AP4E1: variants seen among roughly 807,000 people sequenced by gnomAD.
The protein encoded by AP4E1 is AP-4 complex subunit epsilon-1.
A neutral mutation model predicts 128.2 loss-of-function variants in AP4E1; 56 were observed. The observed-to-expected ratio is 0.44, with a 90% CI of 0.35 to 0.55. The LOEUF is 0.55. Among genes scored for constraint, AP4E1 ranks in the 20% least tolerant of loss-of-function variants. The probability of loss-of-function intolerance (pLI) is 0.00; values close to 1 mark genes in which losing one functional copy is unlikely to be tolerated. For missense variants in AP4E1, 1,324 were observed against 1,307.7 expected (o/e 1.01, Z -0.19); for synonymous variants, 484 against 473.1 (o/e 1.02, Z -0.30).
rs1271753528 is a variant in AP4E1, at chr15:50,941,356, A to G, written c.944-86A>G. 3 of 1,459,210 alleles carry G rather than the reference A, an allele frequency of 2.1e-6. No individual in the cohort carries two copies. In the African/African-American group the frequency reaches 4.2e-5, roughly 20 times the overall value. 90.4% of individuals were successfully genotyped at this position (1,459,210 alleles called of 1,614,324 possible). ...ATTTCTGACTAAAATGGACTTTCCAATTAGTTTTATTACAAGTTCTACACA... is the reference window on the plus strand; with the variant it reads ...ATTTCTGACTAAAATGGACTTTCCAGTTAGTTTTATTACAAGTTCTACACA... On this transcript the variant is annotated intron_variant, in intron 8 of 20. Transcript: ENST00000261842.
intron 17 of AP4E1, 90 bp from the exon 18 acceptor site, chr15:50,997,236 A>C: frequency 8.6e-7 from 1 of 1,164,140 alleles, no homozygotes; most frequent in Non-Finnish European, 1.2e-6. Flanking sequence ...GCAAATTGTT[A>C]TATTGCTGAT....
At chr15:50,911,563 A>G (rs1418788470) in intron 1 of AP4E1, among the ~76,000 whole-genome samples, 2 of 150,088 alleles carry the variant, frequency 1.3e-5, no homozygotes, top group South Asian at 2.1e-4. Context: ...GCTCACTGCA[A>G]CATTCACTTC....
chr15:50,971,808 A>G (rs1412332013), intron 15 of AP4E1, among the ~76,000 whole-genome samples: 1 of 151,390 alleles, frequency 6.6e-6, no homozygotes, highest in African/African-American at 2.4e-5. Flanking sequence ...CTTTTTTATG[A>G]TATCTGTTTC....
chr15:50,915,523 C>T lies in AP4E1; in HGVS notation c.298C>T (p.His100Tyr), dbSNP rs1224744393. 1 of 1,613,444 alleles carries T rather than the reference C, an allele frequency of 6.2e-7. No homozygotes were observed. Among genetic ancestry groups the T allele is most frequent in the African/African-American group, 1.3e-5 (1 of 74,902 alleles). ...ATATGATGCTTCCTTTGGCTATATTCATGCAATCAAGTTAGCCCAACAAGG... is the reference window on the plus strand; with the variant it reads ...ATATGATGCTTCCTTTGGCTATATTTATGCAATCAAGTTAGCCCAACAAGG... ...LGYDASFGYI[H>Y]AIKLAQQGNL... is the part of the protein sequence containing the mutation. Residue 100 changes from histidine (H) to tyrosine (Y), a missense_variant, in exon 3 of 21, where the codon CAT becomes TAT. Coordinates refer to ENST00000261842, the MANE Select transcript of AP4E1 (RefSeq NM_007347.5).
rs2064980555 is a variant in AP4E1 at position 51,002,766 on chromosome 15, A to T, written c.*104A>T. The T allele has an allele frequency of 7.3e-7, 1 of 1,377,858 alleles. No individual in the cohort carries two copies. Among genetic ancestry groups the T allele is most frequent in the African/African-American group, 1.4e-5 (1 of 69,862 alleles). The allele number at this position is 1,377,858 out of a possible 1,614,324, so 85.4% of individuals were successfully genotyped here. ...CATGGTACTTCTAATGAAAATGGGG[A>T]TTATTACAAGTGTGGTTTATATGTT... is the stretch of plus-strand genomic sequence containing the variant. On this transcript the variant is annotated 3_prime_UTR_variant, in exon 21 of 21. Transcript: ENST00000261842.
chr15:50,999,702 A>G (rs765006514), intron 19 of AP4E1, among the ~76,000 whole-genome samples: 2 of 151,850 alleles, frequency 1.3e-5, no homozygotes, highest in Admixed American at 6.6e-5. Flanking sequence ...TAGTTATTAA[A>G]CTTTTTTTTA....
intron 7 of AP4E1, among the ~76,000 whole-genome samples, chr15:50,931,847 G>C (rs1396019825): frequency 6.6e-6 from 1 of 152,098 alleles, no homozygotes; most frequent in African/African-American, 2.4e-5. Context: ...GCTATAGTTT[G>C]CCAACCCTTG....
chr15:50,997,421 C>G lies in AP4E1; in HGVS notation c.2442C>G (p.Thr814=). 1 of 1,613,178 alleles carries G rather than the reference C, an allele frequency of 6.2e-7. No homozygotes were observed. Residue 814 remains threonine (T), a synonymous_variant, in exon 18 of 21, where the codon ACC becomes ACG. Coordinates refer to ENST00000261842, the MANE Select transcript of AP4E1 (RefSeq NM_007347.5). The stretch of plus-strand genomic sequence containing the variant: ...AAACAACCAGTACTCATAATATGAC[C>G]TGTTCTTCCTTTAGTTCTTTGTCAA... ...SGETTSTHNM[T]CSSFSSLSNV... is the part of the protein sequence containing the mutation.
chr15:50,918,720 T>C (rs1164072856), intron 3 of AP4E1, among the ~76,000 whole-genome samples: 1 of 152,166 alleles, frequency 6.6e-6, no homozygotes, highest in East Asian at 1.9e-4. Context: ...TTCACTCTCT[T>C]TTATATAAAA....
At chr15:50,920,152 C>T (rs1468854572) in intron 3 of AP4E1, among the ~76,000 whole-genome samples, 1 of 107,580 alleles carries the variant, frequency 9.3e-6, no homozygotes, top group Non-Finnish European at 1.7e-5. Context: ...CTCGCTCTTT[C>T]GCCCAGGCCA....
intron 13 of AP4E1, among the ~76,000 whole-genome samples, chr15:50,953,323 T>G (rs895349770): frequency 2.6e-5 from 4 of 152,244 alleles, no homozygotes; most frequent in Admixed American, 6.5e-5. Context: ...ATACAGGTCA[T>G]GTACAGTCGG....
intron 11 of AP4E1, 133 bp downstream of exon 11, chr15:50,948,292 CCT>C: frequency 8.7e-7 from 1 of 1,147,706 alleles, no homozygotes; most frequent in Non-Finnish European, 1.2e-6. Context: ...GATTTTCAAG[CCT>C]CTCTTGTCAG....
chr15:50,939,101 CA>C (rs1186317148), intron 8 of AP4E1, among the ~76,000 whole-genome samples: 2 of 152,132 alleles, frequency 1.3e-5, no homozygotes, highest in Non-Finnish European at 2.9e-5. Context: ...TGCTTTATAG[CA>C]TTTTAATTAG....
chr15:50,996,441 T>C (rs181944872), intron 17 of AP4E1, among the ~76,000 whole-genome samples: 1 of 152,280 alleles, frequency 6.6e-6, no homozygotes, highest in East Asian at 1.9e-4. Context: ...ATTAGGTGAC[T>C]TCTGAATTTG....
intron 8 of AP4E1, among the ~76,000 whole-genome samples, chr15:50,937,782 A>G (rs2063927043): frequency 6.6e-6 from 1 of 152,146 alleles, no homozygotes; most frequent in Admixed American, 6.5e-5. Flanking sequence ...ATTTAAAAAC[A>G]GTTTCAGAGA....
intron 14 of AP4E1, among the ~76,000 whole-genome samples, chr15:50,965,089 T>C (rs1303460447): frequency 1.3e-5 from 2 of 152,038 alleles, no homozygotes; most frequent in Admixed American, 6.6e-5. Context: ...TTACAAGAGC[T>C]GAACAGATGC....
chr15:50,939,098 T>C (rs1250138490), intron 8 of AP4E1, among the ~76,000 whole-genome samples: 2 of 152,190 alleles, frequency 1.3e-5, no homozygotes, highest in Admixed American at 6.5e-5. Context: ...TTATGCTTTA[T>C]AGCATTTTAA....
rs1407553731 is a variant in AP4E1 at position 50,968,279 on chromosome 15, C to CT, written c.1872dup (p.Leu625SerfsTer7). ...TTAATATAGGTAGATGCTTCTTTAT[C>CT]TTTTCTGGATGGTTTTGTGGCTGAA... is the stretch of plus-strand genomic sequence containing the variant. On this transcript the variant is annotated frameshift_variant, in exon 15 of 21. Coordinates refer to ENST00000261842, the MANE Select transcript of AP4E1 (RefSeq NM_007347.5). LOFTEE classifies it high-confidence loss of function. The CT allele has an allele frequency of 6.2e-7, 1 of 1,612,732 alleles. No homozygotes were observed. The highest frequency in any genetic ancestry group is 1.3e-5 in the African/African-American group (1 of 74,830).
chr15:50,956,432 AG>A (rs1349757322), intron 13 of AP4E1, among the ~76,000 whole-genome samples: 2 of 152,210 alleles, frequency 1.3e-5, no homozygotes, highest in Non-Finnish European at 2.9e-5. Flanking sequence ...AACACCATTT[AG>A]GAAAGTGTAT....
Sources: gnomAD v4.1 joint callset for allele counts (sites outside exome capture counted in the v4.1 genomes callset) on GRCh38, gnomAD v4.1.1 for gene constraint, MANE v1.5 for transcripts, NCBI Gene and HGNC (gene_info 2026-07-23, HGNC 2026-07-21) for gene names.